The following TFPI variants were observed in gnomAD, a reference collection of about 807,000 sequenced individuals.
TFPI encodes tissue factor pathway inhibitor, also known as anti-convertin.
TFPI carries 15 observed loss-of-function variants against 34.6 expected under a neutral mutation model. The ratio of observed to expected loss-of-function variants is 0.43; its 90% CI spans 0.29 to 0.67. The LOEUF is 0.67. Ranked by LOEUF, TFPI falls within the 30% of genes least tolerant of loss-of-function variation. The pLI is 0.15. For missense variants in TFPI, 301 were observed against 364.0 expected (o/e 0.83, Z 1.41); for synonymous variants, 105 against 120.1 (o/e 0.87, Z 0.82).
chr2:187,489,312 A>C (rs568658734), intron 3 of TFPI, among the ~76,000 whole-genome samples: 4 of 151,508 alleles, frequency 2.6e-5, no homozygotes, highest in African/African-American at 9.6e-5. Context: ...TGTCTATGAA[A>C]GTGAAACTAA....
At chr2:187,476,169 A>G (rs567386338) in intron 6 of TFPI, among the ~76,000 whole-genome samples, 1 of 152,274 alleles carries the variant, frequency 6.6e-6, no homozygotes, top group Non-Finnish European at 1.5e-5. Context: ...ATGTGATCAT[A>G]TCTGCACTGG....
intron 2 of TFPI, among the ~76,000 whole-genome samples, chr2:187,499,939 C>T (rs1241324718): frequency 6.6e-6 from 1 of 152,084 alleles, no homozygotes; most frequent in Non-Finnish European, 1.5e-5. Flanking sequence ...CTAATACCTG[C>T]ATTGCCATGT....
intron 4 of TFPI, among the ~76,000 whole-genome samples, chr2:187,487,986 G>C (rs1693407974): frequency 6.6e-6 from 1 of 151,260 alleles, no homozygotes; most frequent in African/African-American, 2.4e-5. Context: ...AGCATGTGTG[G>C]CTCTGGACTA....
At chr2:187,468,827 AGTACTACAG>A (rs1691868348) in intron 6 of TFPI, among the ~76,000 whole-genome samples, 1 of 152,114 alleles carries the variant, frequency 6.6e-6, no homozygotes, top group African/African-American at 2.4e-5. Flanking sequence ...TTAATAAACC[AGTACTACAG>A]GTAAGTTGTA....
intron 3 of TFPI, among the ~76,000 whole-genome samples, chr2:187,490,663 A>G (rs1685059263): frequency 1.3e-5 from 2 of 151,680 alleles, no homozygotes; most frequent in African/African-American, 2.4e-5. Flanking sequence ...ATTTTTGCAT[A>G]CAGAGTGATA....
At chr2:187,480,950 C>T (rs984908608) in intron 6 of TFPI, among the ~76,000 whole-genome samples, 14 of 151,890 alleles carry the variant, frequency 9.2e-5, no homozygotes, top group African/African-American at 3.4e-4. Context: ...AAGCCATTTA[C>T]AACATTCCAG....
intron 6 of TFPI, chr2:187,478,833 A>C (rs1008677916): frequency 4.4e-6 from 7 of 1,575,284 alleles, no homozygotes; most frequent in Non-Finnish European, 6.1e-6. Context: ...TAAATAAAAA[A>C]TGTGAGTCAT....
intron 1 of TFPI, among the ~76,000 whole-genome samples, chr2:187,505,836 CA>C (rs1686174627): frequency 6.6e-6 from 1 of 151,976 alleles, no homozygotes; most frequent in East Asian, 1.9e-4. Flanking sequence ...TTAATGGAAC[CA>C]TATGGTTTGG....
At chr2:187,499,134 A>C (rs1361336714) in intron 2 of TFPI, among the ~76,000 whole-genome samples, 1 of 151,736 alleles carries the variant, frequency 6.6e-6, no homozygotes, top group Non-Finnish European at 1.5e-5. Flanking sequence ...TTTTTTTTCA[A>C]ATCCTTTATC....
At chr2:187,550,972 GATAGAC>G (rs1340692749) in intron 1 of TFPI, among the ~76,000 whole-genome samples, 6 of 152,062 alleles carry the variant, frequency 3.9e-5, no homozygotes, top group Non-Finnish European at 8.8e-5. Flanking sequence ...GAGGAGAAGA[GATAGAC>G]TAGGTTGGCA....
In TFPI at chr2:187,522,924, A is replaced by G. The variant is rs1474638370; in HGVS notation, c.-2-19154T>C. On this transcript the variant is annotated intron_variant, in intron 1 of 7. Coordinates refer to ENST00000233156, the MANE Select transcript of TFPI (RefSeq NM_006287.6). The stretch of plus-strand genomic sequence containing the variant: ...TAAATAAATAAATAAATAAATAAAT[A>G]AATAAATAATAAAAAACAGAGACAC... Among the ~76,000 whole-genome samples the G allele has an allele frequency of 6.8e-5, 10 of 147,876 alleles. No homozygotes were observed. The East Asian group carries it at 2.0e-3, about 29-fold the overall frequency.
intron 3 of TFPI, among the ~76,000 whole-genome samples, chr2:187,496,598 A>G (rs979094613): frequency 6.6e-6 from 1 of 152,102 alleles, no homozygotes; most frequent in African/African-American, 2.4e-5. Flanking sequence ...TTGAACATGC[A>G]AGTTGACCGT....
chr2:187,536,063 A>G (rs1050196944), intron 1 of TFPI, among the ~76,000 whole-genome samples: 2 of 152,220 alleles, frequency 1.3e-5, no homozygotes, highest in African/African-American at 4.8e-5. Context: ...TAGACCAATA[A>G]CAAGTCCTGA....
At chr2:187,495,247 G>A (rs1685396438) in intron 3 of TFPI, among the ~76,000 whole-genome samples, 1 of 152,206 alleles carries the variant, frequency 6.6e-6, no homozygotes, top group Non-Finnish European at 1.5e-5. Context: ...TTTCAGGAAA[G>A]AGGCCAGTTG....
At chr2:187,529,051 A>G (rs1687825113) in intron 1 of TFPI, among the ~76,000 whole-genome samples, 1 of 152,194 alleles carries the variant, frequency 6.6e-6, no homozygotes. Context: ...TGAACATACA[A>G]TATTATAAAT....
At chr2:187,496,766 T>A in intron 3 of TFPI, 115 bp downstream of exon 3, 1 of 939,378 alleles carries the variant, frequency 1.1e-6, no homozygotes, top group Non-Finnish European at 1.6e-6. Flanking sequence ...AAATAAAAGA[T>A]TCCTTGGAAA....
intron 1 of TFPI, among the ~76,000 whole-genome samples, chr2:187,551,027 G>C (rs550729974): frequency 6.6e-6 from 1 of 152,212 alleles, no homozygotes; most frequent in African/African-American, 2.4e-5. Context: ...GGTATATTTC[G>C]AGGGTGTCAA....
rs8176593 is a variant in TFPI, at chr2:187,466,875, CAT to C, written c.*59_*60del. The C allele has an allele frequency of 4.3e-3, 4,066 of 940,470 alleles. 108 individuals are homozygous for C. The African/African-American group carries it at 0.062, about 14-fold the overall frequency. The allele number at this position is 940,470 out of a possible 1,614,324, so 58.3% of individuals were successfully genotyped here. The stretch of plus-strand genomic sequence containing the variant: ...GCATTTTAGAAGAAAAATAGAAAAT[CAT>C]AGTGAAACATTTCATATAAAATATT... On this transcript the variant is annotated 3_prime_UTR_variant, in exon 8 of 8. Coordinates refer to ENST00000233156, the MANE Select transcript of TFPI (RefSeq NM_006287.6).
intron 1 of TFPI, among the ~76,000 whole-genome samples, chr2:187,509,799 T>C (rs914096166): frequency 2.0e-5 from 3 of 152,204 alleles, no homozygotes; most frequent in African/African-American, 7.2e-5. Flanking sequence ...TCTCCTTCAG[T>C]TCTGCTTTGA....
Sources: gnomAD v4.1 joint callset for allele counts (sites outside exome capture counted in the v4.1 genomes callset) on GRCh38, gnomAD v4.1.1 for gene constraint, MANE v1.5 for transcripts, NCBI Gene and HGNC (gene_info 2026-07-23, HGNC 2026-07-21) for gene names.